Variants in RYR3 observed in about 807,000 individuals in gnomAD.
RYR3 encodes ryanodine receptor 3.
Under a neutral mutation model 584.3 loss-of-function variants are expected in RYR3, and 207 were observed. That is an observed-to-expected ratio of 0.35 (90% CI 0.32 to 0.40). The LOEUF is 0.40. Among genes scored for constraint, RYR3 ranks in the 10% least tolerant of loss-of-function variants. The pLI is 1.00. For synonymous variants in RYR3, 2,416 were observed against 2,248.5 expected (o/e 1.07, Z -2.11); for missense variants, 5,616 against 6,089.2 (o/e 0.92, Z 2.59).
chr15:33,865,795 T>C lies in RYR3; in HGVS notation c.*569T>C, dbSNP rs983325359. 6.5e-6 allele frequency: 1 copy of C among 152,952 alleles called. No homozygotes were observed. The highest frequency in any genetic ancestry group is 1.5e-5 in the Non-Finnish European group (1 of 68,270). The allele number at this position is 152,952 out of a possible 1,614,324, so 9.5% of individuals were successfully genotyped here. On this transcript the variant is annotated 3_prime_UTR_variant, in exon 104 of 104. Transcript: ENST00000634891. ...AAGTGCCTTAAAACCTCTTTAGACATAGCTATGCAAGTTTTTTATGTTTGT... is the reference window on the plus strand; with the variant it reads ...AAGTGCCTTAAAACCTCTTTAGACACAGCTATGCAAGTTTTTTATGTTTGT...
Position 33,464,503 on chromosome 15 carries a change from T to TATACACACAC in RYR3, c.52-8915_52-8914insTACACACACA, listed in dbSNP as rs1180164194. The stretch of plus-strand genomic sequence containing the variant: ...ATATATATATATACACATATATATA[T>TATACACACAC]ACATACACATACACATATATGTACA... On this transcript the variant is annotated intron_variant, in intron 1 of 103. Coordinates refer to ENST00000634891, the MANE Select transcript of RYR3 (RefSeq NM_001036.6). Among the ~76,000 whole-genome samples, 18 of 105,936 alleles carry TATACACACAC rather than the reference T, an allele frequency of 1.7e-4. 2 individuals carry two copies. Among genetic ancestry groups the TATACACACAC allele is most frequent in the African/African-American group, 5.4e-4 (16 of 29,806 alleles). 69.5% of individuals were successfully genotyped at this position (105,936 alleles called of 152,430 possible).
intron 1 of RYR3, among the ~76,000 whole-genome samples, chr15:33,438,675 G>A (rs949589774): frequency 1.3e-5 from 2 of 152,128 alleles, no homozygotes; most frequent in African/African-American, 4.8e-5. Context: ...GAGGATAACG[G>A]ACATATTCAC....
At chr15:33,654,730 T>G (rs1349723990) in intron 32 of RYR3, among the ~76,000 whole-genome samples, 1 of 151,968 alleles carries the variant, frequency 6.6e-6, no homozygotes, top group Non-Finnish European at 1.5e-5. Flanking sequence ...AGCAGGAGAG[T>G]GGCATGCCGT....
chr15:33,384,462 T>A (rs1480226588), intron 1 of RYR3, among the ~76,000 whole-genome samples: 1 of 130,842 alleles, frequency 7.6e-6, no homozygotes, highest in Non-Finnish European at 1.6e-5. Flanking sequence ...ATTATAATAT[T>A]ATATTATAAT....
chr15:33,653,682 A>G (rs2062636993), intron 32 of RYR3, among the ~76,000 whole-genome samples: 1 of 152,014 alleles, frequency 6.6e-6, no homozygotes, highest in South Asian at 2.1e-4. Context: ...AAAAAAAAAA[A>G]ATACATTTAT....
Position 33,755,187 on chromosome 15 carries a change from A to G in RYR3, c.8515+7A>G, listed in dbSNP as rs750626928. Reference sequence around the variant, plus strand: ...GAATTTATTGCCCATTTAGGTAAGTATCATCATGAAATAACCCAAAAGAAT... The same window carrying G: ...GAATTTATTGCCCATTTAGGTAAGTGTCATCATGAAATAACCCAAAAGAAT... On this transcript the variant is annotated splice_region_variant and intron_variant, in intron 58 of 103. Transcript: ENST00000634891. The G allele has an allele frequency of 6.8e-7, 1 of 1,480,608 alleles. No individual in the cohort carries two copies. Among genetic ancestry groups the G allele is most frequent in the Non-Finnish European group, 9.4e-7 (1 of 1,062,092 alleles). 91.7% of individuals were successfully genotyped at this position (1,480,608 alleles called of 1,614,324 possible).
intron 16 of RYR3, among the ~76,000 whole-genome samples, chr15:33,597,342 C>T (rs767574213): frequency 9.9e-5 from 15 of 152,090 alleles, no homozygotes; most frequent in African/African-American, 1.7e-4. Flanking sequence ...ACTGGCCAGG[C>T]GCAGTAGCTC....
chr15:33,630,177 T>A, intron 22 of RYR3, 134 bp downstream of exon 22: 54 of 547,200 alleles, frequency 9.9e-5, no homozygotes, highest in Middle Eastern at 4.6e-4. Context: ...TGATGATGAA[T>A]CATGTCACAA....
intron 70 of RYR3, 61 bp downstream of exon 70, chr15:33,807,630 C>A (rs925953912): frequency 1.7e-5 from 26 of 1,488,348 alleles, no homozygotes; most frequent in Non-Finnish European, 1.7e-5. Context: ...CGGGCTCTGG[C>A]CCCCTCTGCA....
At chr15:33,434,140 G>A (rs969544607) in intron 1 of RYR3, among the ~76,000 whole-genome samples, 1 of 152,216 alleles carries the variant, frequency 6.6e-6, no homozygotes, top group Non-Finnish European at 1.5e-5. Flanking sequence ...TTCAAAAATA[G>A]TTGATGATAT....
At position 33,662,873 on chromosome 15, in the gene RYR3, T is replaced by G; in HGVS notation, c.5343T>G (p.Ala1781=). The part of the protein sequence containing the change: ...VTQVEEKAVE[A]GEKAGKEAPV... ...AGGTGGAGGAGAAGGCTGTGGAGGC[T>G]GGGGAGAAGGCCGGCAAGGAGGCTC... Residue 1781 remains alanine (A), a synonymous_variant, in exon 35 of 104, where the codon GCT becomes GCG. Coordinates refer to ENST00000634891, the MANE Select transcript of RYR3 (RefSeq NM_001036.6). 1.2e-6 allele frequency: 2 copies of G among 1,613,612 alleles called. No homozygotes were observed. Among genetic ancestry groups the G allele is most frequent in the Non-Finnish European group, 1.7e-6 (2 of 1,179,856 alleles).
rs138669527 is a variant in RYR3 at position 33,857,438 on chromosome 15, T to C, written c.14008-342T>C. 4.8e-3 allele frequency among the ~76,000 whole-genome samples: 736 copies of C among 152,172 alleles called. 2 individuals are homozygous for C. Among genetic ancestry groups the C allele is most frequent in the African/African-American group, 0.017 (698 of 41,526 alleles). On this transcript the variant is annotated intron_variant, in intron 98 of 103. Transcript: ENST00000634891. ...CCATCTTAACAACCTCAGTTTAACT[T>C]ACTCACCTCTTTGAAGGCTGTATCT... is the stretch of plus-strand genomic sequence containing the variant.
Position 33,859,338 on chromosome 15 carries a change from A to G in RYR3, c.14143-237A>G, listed in dbSNP as rs1354192507. Among the ~76,000 whole-genome samples, 8 of 152,234 alleles carry G rather than the reference A, an allele frequency of 5.3e-5. No individual in the cohort carries two copies. In the East Asian group the frequency reaches 1.5e-3, roughly 29 times the overall value. On this transcript the variant is annotated intron_variant, in intron 99 of 103. Coordinates refer to ENST00000634891, the MANE Select transcript of RYR3 (RefSeq NM_001036.6). ...ACTTATATACACCTTTAATGGGCCT[A>G]AAAATACCTTTTAAAAGCCTAAATG... is the stretch of plus-strand genomic sequence containing the variant.
chr15:33,331,601 A>G (rs1386537243), intron 1 of RYR3, among the ~76,000 whole-genome samples: 2 of 152,106 alleles, frequency 1.3e-5, no homozygotes, highest in Non-Finnish European at 2.9e-5. Context: ...AGAAAATAGG[A>G]TATTCAGTGA....
At chr15:33,431,978 T>C (rs1467228108) in intron 1 of RYR3, among the ~76,000 whole-genome samples, 1 of 152,178 alleles carries the variant, frequency 6.6e-6, no homozygotes, top group Non-Finnish European at 1.5e-5. Context: ...ACAGCAAGAC[T>C]TACTGGAGTA....
At chr15:33,492,309 T>G (rs903944527) in intron 2 of RYR3, among the ~76,000 whole-genome samples, 7 of 152,212 alleles carry the variant, frequency 4.6e-5, no homozygotes, top group Admixed American at 2.6e-4. Flanking sequence ...CAAGAACTTT[T>G]TCCATTTTGG....
chr15:33,531,031 CT>C (rs2054822227), intron 4 of RYR3, among the ~76,000 whole-genome samples: 1 of 151,906 alleles, frequency 6.6e-6, no homozygotes, highest in Non-Finnish European at 1.5e-5. Flanking sequence ...TAACAGAGCG[CT>C]TTAGTATACA....
chr15:33,550,438 A>G (rs1044609054), intron 10 of RYR3, 122 bp downstream of exon 10: 1 of 873,174 alleles, frequency 1.1e-6, no homozygotes, highest in African/African-American at 1.7e-5. Flanking sequence ...AATTTGCCCT[A>G]AGATAGATAA....
At chr15:33,723,566 CT>C (rs2068106523) in intron 44 of RYR3, among the ~76,000 whole-genome samples, 2 of 152,176 alleles carry the variant, frequency 1.3e-5, no homozygotes. Context: ...AGCAGAAACT[CT>C]TTAGACGGTT....
Sources: gnomAD v4.1 joint callset for allele counts (sites outside exome capture counted in the v4.1 genomes callset) on GRCh38, gnomAD v4.1.1 for gene constraint, MANE v1.5 for transcripts, NCBI Gene and HGNC (gene_info 2026-07-23, HGNC 2026-07-21) for gene names.